PAK1: variants seen among roughly 807,000 people sequenced by gnomAD.
The protein encoded by PAK1 is serine/threonine-protein kinase PAK 1.
A neutral mutation model predicts 67.4 loss-of-function variants in PAK1; 29 were observed. The observed-to-expected ratio is 0.43, with a 90% CI of 0.32 to 0.59. The LOEUF (loss-of-function observed/expected upper bound fraction) is 0.59, where lower values mean the gene tolerates loss of function less well. Among genes scored for constraint, PAK1 ranks in the 20% least tolerant of loss-of-function variants. PAK1 has a pLI of 0.07. For missense variants in PAK1, 337 were observed against 670.7 expected (o/e 0.50, Z 5.50); for synonymous variants, 223 against 237.4 (o/e 0.94, Z 0.56).
At chr11:77,398,664 A>G (rs1323176238) in intron 1 of PAK1, among the ~76,000 whole-genome samples, 1 of 152,206 alleles carries the variant, frequency 6.6e-6, no homozygotes, top group Non-Finnish European at 1.5e-5. Flanking sequence ...TATCTCTTCA[A>G]TATACCAATT....
chr11:77,482,637 AG>A, the PAK1 span, among the ~76,000 whole-genome samples: 1 of 146,564 alleles, frequency 6.8e-6, no homozygotes, highest in South Asian at 2.1e-4. Flanking sequence ...TCTGTCACCC[AG>A]GCTGGAGTGC....
At chr11:77,492,382 T>C in the PAK1 span, among the ~76,000 whole-genome samples, 1 of 149,990 alleles carries the variant, frequency 6.7e-6, no homozygotes. Context: ...CAAAAGCCAG[T>C]TGAGGAGACA....
At chr11:77,512,619 T>A in the PAK1 span, among the ~76,000 whole-genome samples, 1 of 152,130 alleles carries the variant, frequency 6.6e-6, no homozygotes, top group Non-Finnish European at 1.5e-5. Context: ...CTTTTTCAAT[T>A]AATTGACCAA....
the PAK1 span, among the ~76,000 whole-genome samples, chr11:77,502,532 G>A: frequency 7.2e-5 from 11 of 152,122 alleles, no homozygotes; most frequent in African/African-American, 2.2e-4. Context: ...ACCCCTCCCT[G>A]CAAAAATGCA....
chr11:77,434,859 T>G (rs1262917404), intron 1 of PAK1, among the ~76,000 whole-genome samples: 1 of 152,050 alleles, frequency 6.6e-6, no homozygotes, highest in Admixed American at 6.6e-5. Context: ...GCTCAAGAGA[T>G]CTGCCTACCT....
intron 12 of PAK1, among the ~76,000 whole-genome samples, chr11:77,336,895 G>C (rs1216929071): frequency 6.6e-6 from 1 of 151,956 alleles, no homozygotes; most frequent in African/African-American, 2.4e-5. Flanking sequence ...TGAGAGTATG[G>C]ATTATGTCCT....
At chr11:77,398,736 T>C (rs985399163) in intron 1 of PAK1, among the ~76,000 whole-genome samples, 69 of 152,302 alleles carry the variant, frequency 4.5e-4, no homozygotes, top group African/African-American at 1.5e-3. Context: ...GGTCTATCTT[T>C]AGTTTTTTGT....
intron 5 of PAK1, among the ~76,000 whole-genome samples, chr11:77,373,476 T>G (rs1948698803): frequency 6.6e-6 from 1 of 151,602 alleles, no homozygotes; most frequent in African/African-American, 2.4e-5. Flanking sequence ...AGGAGCATCA[T>G]TTGAGCCCAG....
intron 5 of PAK1, among the ~76,000 whole-genome samples, chr11:77,361,332 T>A (rs1273545547): frequency 6.6e-6 from 1 of 152,128 alleles, no homozygotes; most frequent in Non-Finnish European, 1.5e-5. Context: ...ATGGAAGAAG[T>A]TAAAGACTCT....
In PAK1 at chr11:77,423,184, A is replaced by C. The variant is rs568379151; in HGVS notation, c.-21-30643T>G. 2.0e-5 allele frequency among the ~76,000 whole-genome samples: 3 copies of C among 152,054 alleles called. No homozygotes were observed. In the South Asian group the frequency reaches 6.2e-4, roughly 32 times the overall value. ...CCTTATTAGCCACTGGTCTCTAACC[A>C]TAAATAAATTCCTCTTATTAGCAGA... On this transcript the variant is annotated intron_variant, in intron 1 of 14. Coordinates refer to ENST00000356341, the MANE Select transcript of PAK1 (RefSeq NM_002576.5).
At chr11:77,505,451 G>A in the PAK1 span, among the ~76,000 whole-genome samples, 2 of 152,192 alleles carry the variant, frequency 1.3e-5, no homozygotes, top group African/African-American at 4.8e-5. Context: ...GCCTCCCTAA[G>A]TGCTGAGATT....
intron 1 of PAK1, among the ~76,000 whole-genome samples, chr11:77,452,306 T>C (rs970709502): frequency 1.3e-5 from 2 of 152,198 alleles, no homozygotes; most frequent in Admixed American, 6.5e-5. Flanking sequence ...AGCCACAGTT[T>C]GTACCCAGAT....
chr11:77,446,623 T>C (rs866571739), intron 1 of PAK1, among the ~76,000 whole-genome samples: 9 of 151,902 alleles, frequency 5.9e-5, no homozygotes, highest in Admixed American at 2.6e-4. Context: ...TATCCTCTCA[T>C]GTACTTTCAT....
At chr11:77,402,665 G>A (rs72941647) in intron 1 of PAK1, among the ~76,000 whole-genome samples, 84 of 152,266 alleles carry the variant, frequency 5.5e-4, no homozygotes, top group Non-Finnish European at 8.4e-4. Context: ...AGGAAACAAT[G>A]AAATCTATCG....
chr11:77,366,282 G>GA (rs1355366387), intron 5 of PAK1, among the ~76,000 whole-genome samples: 7 of 152,282 alleles, frequency 4.6e-5, no homozygotes, highest in African/African-American at 1.7e-4. Flanking sequence ...GAGAGCAGAG[G>GA]AAACGGTAAA....
intron 1 of PAK1, chr11:77,455,970 C>T (rs1314270678): frequency 1.3e-5 from 2 of 152,170 alleles, no homozygotes; most frequent in Non-Finnish European, 2.9e-5. Flanking sequence ...AAGGAGAGGG[C>T]TATTTCAAGT....
chr11:77,399,630 C>T (rs575575833), intron 1 of PAK1, among the ~76,000 whole-genome samples: 4 of 151,932 alleles, frequency 2.6e-5, no homozygotes, highest in Admixed American at 6.5e-5. Context: ...GAGGCCGAGG[C>T]TGGCGGATCA....
the PAK1 span, among the ~76,000 whole-genome samples, chr11:77,490,345 C>G: frequency 7.0e-6 from 1 of 142,860 alleles, no homozygotes; most frequent in Non-Finnish European, 1.5e-5. Flanking sequence ...GGTCAGCCCC[C>G]CACCCGGCCA....
At position 77,330,783 on chromosome 11, in the gene PAK1, A is replaced by G. The variant is rs1941311386; in HGVS notation, c.1551+1947T>C. Among the ~76,000 whole-genome samples, 3 of 152,314 alleles carry G rather than the reference A, an allele frequency of 2.0e-5. No individual in the cohort carries two copies. In the South Asian group the frequency reaches 6.2e-4, roughly 32 times the overall value. On this transcript the variant is annotated intron_variant, in intron 14 of 14. Coordinates refer to ENST00000356341, the MANE Select transcript of PAK1 (RefSeq NM_002576.5). The stretch of plus-strand genomic sequence containing the variant: ...TGGCAACAAAAGCCAAAATTGACAA[A>G]TGGGATCTAATTAAACTAAAGAGCT...
Sources: gnomAD v4.1 joint callset for allele counts (sites outside exome capture counted in the v4.1 genomes callset) on GRCh38, gnomAD v4.1.1 for gene constraint, MANE v1.5 for transcripts, NCBI Gene and HGNC (gene_info 2026-07-23, HGNC 2026-07-21) for gene names.